CCDC91: variants seen among roughly 807,000 people sequenced by gnomAD.
The protein encoded by CCDC91 is coiled-coil domain containing 91.
A neutral mutation model predicts 63.2 loss-of-function variants in CCDC91; 48 were observed. The observed-to-expected ratio is 0.76, with a 90% CI of 0.60 to 0.97. CCDC91 has a LOEUF of 0.97. Among genes scored for constraint, CCDC91 ranks in the 50% least tolerant of loss-of-function variants. CCDC91 has a pLI of 0.00. For missense variants in CCDC91, 500 were observed against 494.6 expected (o/e 1.01, Z -0.10); for synonymous variants, 167 against 165.8 (o/e 1.01, Z -0.06).
At chr12:28,380,868 C>T (rs1945257713) in intron 7 of CCDC91, among the ~76,000 whole-genome samples, 1 of 152,062 alleles carries the variant, frequency 6.6e-6, no homozygotes, top group Non-Finnish European at 1.5e-5. Context: ...TAGAGAAAAG[C>T]ACTACCTAAT....
chr12:28,358,181 C>T (rs946725506), intron 6 of CCDC91, among the ~76,000 whole-genome samples: 9 of 151,788 alleles, frequency 5.9e-5, no homozygotes, highest in Admixed American at 3.9e-4. Flanking sequence ...AGAAATGTAC[C>T]CAAAAAATTT....
intron 8 of CCDC91, among the ~76,000 whole-genome samples, chr12:28,432,516 G>T (rs868668858): frequency 6.6e-6 from 1 of 152,184 alleles, no homozygotes. Flanking sequence ...CACCATGACT[G>T]TAAGTTTTCT....
intron 11 of CCDC91, among the ~76,000 whole-genome samples, chr12:28,454,909 C>G (rs1011517128): frequency 6.6e-6 from 1 of 152,016 alleles, no homozygotes; most frequent in Non-Finnish European, 1.5e-5. Flanking sequence ...CTGGATTTCC[C>G]ACAAAGGGTA....
intron 11 of CCDC91, among the ~76,000 whole-genome samples, chr12:28,456,840 G>C (rs1191439957): frequency 1.3e-5 from 2 of 152,022 alleles, no homozygotes; most frequent in Non-Finnish European, 2.9e-5. Flanking sequence ...TGGAATTCAG[G>C]GGAGTTGTCA....
chr12:28,288,199 C>G (rs1203990851), intron 3 of CCDC91, among the ~76,000 whole-genome samples: 2 of 152,120 alleles, frequency 1.3e-5, no homozygotes, highest in Admixed American at 6.5e-5. Context: ...TTATTTCTTT[C>G]TCTTTCCTGA....
At chr12:28,431,608 G>C (rs1024490137) in intron 8 of CCDC91, among the ~76,000 whole-genome samples, 1 of 152,056 alleles carries the variant, frequency 6.6e-6, no homozygotes, top group Non-Finnish European at 1.5e-5. Flanking sequence ...GTTCTAGCTA[G>C]ATTTTTGTTC....
At chr12:28,471,210 G>GA (rs1248447307) in intron 11 of CCDC91, among the ~76,000 whole-genome samples, 3 of 152,022 alleles carry the variant, frequency 2.0e-5, no homozygotes, top group Non-Finnish European at 4.4e-5. Context: ...CCCTCAGAGG[G>GA]AAAAAACAAT....
chr12:28,310,093 A>G (rs1792375312), intron 6 of CCDC91, among the ~76,000 whole-genome samples: 1 of 152,038 alleles, frequency 6.6e-6, no homozygotes, highest in African/African-American at 2.4e-5. Flanking sequence ...CCTGCTCCCC[A>G]AGGACTAATT....
At chr12:28,439,391 C>T (rs760726084) in intron 8 of CCDC91, among the ~76,000 whole-genome samples, 1 of 152,044 alleles carries the variant, frequency 6.6e-6, no homozygotes. Flanking sequence ...TCTTTTAAGT[C>T]ATGTTAAGTG....
At chr12:28,275,589 G>T (rs1483641141) in intron 3 of CCDC91, among the ~76,000 whole-genome samples, 1 of 152,098 alleles carries the variant, frequency 6.6e-6, no homozygotes, top group Non-Finnish European at 1.5e-5. Context: ...CCAATCAATA[G>T]AAAACGAGGG....
At chr12:28,335,007 A>G (rs1391354460) in intron 6 of CCDC91, among the ~76,000 whole-genome samples, 1 of 147,750 alleles carries the variant, frequency 6.8e-6, no homozygotes, top group Non-Finnish European at 1.5e-5. Context: ...ATAAATATAT[A>G]CAAATTTAAA....
intron 7 of CCDC91, among the ~76,000 whole-genome samples, chr12:28,363,941 G>C (rs1449253888): frequency 1.4e-5 from 2 of 141,598 alleles, no homozygotes; most frequent in African/African-American, 5.2e-5. Flanking sequence ...AAAAAAAGTA[G>C]ATCCAGAATT....
intron 3 of CCDC91, among the ~76,000 whole-genome samples, chr12:28,305,142 A>G (rs981953086): frequency 1.3e-5 from 2 of 152,064 alleles, no homozygotes; most frequent in African/African-American, 4.8e-5. Context: ...TTTTATTGTA[A>G]TAAATATTAA....
chr12:28,190,747 C>T (rs1468126999), intron 1 of CCDC91, 106 bp downstream of exon 1: 1 of 152,212 alleles, frequency 6.6e-6, no homozygotes, highest in South Asian at 2.1e-4. Flanking sequence ...CTTCCGCCGC[C>T]TGCAGCCCGC....
chr12:28,451,727 GA>G (rs2140344626), intron 10 of CCDC91, among the ~76,000 whole-genome samples: 1 of 151,738 alleles, frequency 6.6e-6, no homozygotes, highest in South Asian at 2.1e-4. Flanking sequence ...ATAATAGCAT[GA>G]AAATTTCATT....
rs1282691850 is a variant in CCDC91, at chr12:28,510,568, A to C, written c.1215+26403A>C. Among the ~76,000 whole-genome samples the C allele has an allele frequency of 3.3e-5, 5 of 151,924 alleles. No individual in the cohort carries two copies. In the South Asian group the frequency reaches 1.0e-3, roughly 31 times the overall value. ...ATGAGGCCACCACATTAGGGCAGGC[A>C]GTCTGCTTTACTCAGTCTACTGATG... On this transcript the variant is annotated intron_variant, in intron 12 of 12. Coordinates refer to ENST00000536442, the MANE Select transcript of CCDC91 (RefSeq NM_018318.5).
chr12:28,502,604 A>T (rs1592871021), intron 12 of CCDC91, among the ~76,000 whole-genome samples: 1 of 150,320 alleles, frequency 6.7e-6, no homozygotes, highest in East Asian at 1.9e-4. Context: ...TATGGAACCA[A>T]AAAAGAGCCC....
intron 3 of CCDC91, among the ~76,000 whole-genome samples, chr12:28,293,061 G>T (rs539104979): frequency 6.6e-5 from 10 of 152,178 alleles, no homozygotes; most frequent in African/African-American, 2.4e-4. Flanking sequence ...GCAAAGAAAA[G>T]AAAGAAGATT....
chr12:28,464,637 G>A (rs1950466197), intron 11 of CCDC91, among the ~76,000 whole-genome samples: 1 of 152,126 alleles, frequency 6.6e-6, no homozygotes, highest in African/African-American at 2.4e-5. Context: ...AGTCCTGACA[G>A]GATTTATTCC....
Sources: allele counts gnomAD v4.1 joint callset (sites outside exome capture counted in the v4.1 genomes callset), GRCh38; gene constraint gnomAD v4.1.1; transcripts MANE v1.5; gene names NCBI Gene and HGNC (gene_info 2026-07-23, HGNC 2026-07-21).